The following NCOR1 variants were observed in gnomAD, a reference collection of about 807,000 sequenced individuals.
NCOR1 encodes nuclear receptor corepressor 1.
In NCOR1, 63 loss-of-function variants were observed where a neutral mutation model predicts 288.1. That is an observed-to-expected ratio of 0.22 (90% CI 0.18 to 0.27). The LOEUF (loss-of-function observed/expected upper bound fraction) is 0.27. NCOR1 is among the 10% of genes least tolerant of loss of function. NCOR1 has a pLI of 1.00. For missense variants in NCOR1, 2,397 were observed against 3,019.2 expected, an observed-to-expected ratio of 0.79 and a Z score of 4.83; for synonymous variants, 1,007 against 1,065.9, an observed-to-expected ratio of 0.94 and a Z score of 1.08.
At chr17:16,052,611 T>C (rs567558641) in intron 40 of NCOR1, among the ~76,000 whole-genome samples, 16 of 152,228 alleles carry the variant, frequency 1.1e-4, no homozygotes, top group African/African-American at 3.4e-4. Flanking sequence ...CAGTAATAAA[T>C]AGCCTACCAC....
In NCOR1 at chr17:16,061,956, G is replaced by A. The variant is rs1029529924; in HGVS notation, c.5388-62C>T. ...AGACCATTTGCTGGGAATGTGGTGG[G>A]GAGATGGAAGGACAAACTGCAACAA... On this transcript the variant is annotated intron_variant, in intron 36 of 45. Coordinates refer to ENST00000268712, the MANE Select transcript of NCOR1 (RefSeq NM_006311.4). 6.4e-6 allele frequency: 10 copies of A among 1,564,950 alleles called. No individual in the cohort carries two copies. In the African/African-American group the frequency reaches 1.2e-4, roughly 19 times the overall value.
chr17:16,210,565 T>C (rs774143056), intron 1 of NCOR1, among the ~76,000 whole-genome samples: 5 of 152,144 alleles, frequency 3.3e-5, no homozygotes, highest in Non-Finnish European at 7.4e-5. Flanking sequence ...GATTAAAAAT[T>C]AAGCAAACTA....
chr17:16,077,424 G>C (rs992131933), intron 26 of NCOR1, among the ~76,000 whole-genome samples: 13 of 139,794 alleles, frequency 9.3e-5, no homozygotes, highest in African/African-American at 3.5e-4. Flanking sequence ...AAGCAAAAAG[G>C]AAGGAAAGGA....
intron 32 of NCOR1, 102 bp from the exon 33 acceptor site, chr17:16,065,796 T>C: frequency 2.0e-6 from 2 of 1,017,158 alleles, no homozygotes; most frequent in Non-Finnish European, 3.0e-6. Context: ...CATGCTGAGC[T>C]AGTGCACATG....
Position 16,029,997 on chromosome 17 carries a change from C to T in NCOR1, c.*2299G>A. The T allele has an allele frequency of 6.0e-6, 1 of 167,714 alleles. No homozygotes were observed. Among genetic ancestry groups the T allele is most frequent in the Non-Finnish European group, 1.3e-5 (1 of 76,916 alleles). The allele number at this position is 167,714 out of a possible 1,614,324, so 10.4% of individuals were successfully genotyped here. A position where few individuals can be genotyped will look rare whatever the true frequency, so the allele number is the denominator to read the frequency against. ...TGCAGGAGTTAGGGGCATAGACCCC[C>T]TAAGTAGTCAAAAATCCACATCTAA... On this transcript the variant is annotated 3_prime_UTR_variant, in exon 46 of 46. Coordinates refer to ENST00000268712, the MANE Select transcript of NCOR1 (RefSeq NM_006311.4).
chr17:16,172,037 T>C (rs903795467), intron 3 of NCOR1, 42 bp from the exon 4 acceptor site: 2 of 1,463,062 alleles, frequency 1.4e-6, no homozygotes, highest in Non-Finnish European at 1.8e-6. Context: ...AATTTGTAAG[T>C]GATGTACAAC....
chr17:16,149,607 GC>G, intron 8 of NCOR1, 90 bp from the exon 9 acceptor site: 1 of 511,136 alleles, frequency 2.0e-6, no homozygotes, highest in Middle Eastern at 4.2e-4. Context: ...TGGAAAATAG[GC>G]AAAGATCACT....
Position 16,039,529 on chromosome 17 carries a change from A to C in NCOR1, c.6859T>G (p.Ser2287Ala), listed in dbSNP as rs1597648171. Reference protein sequence around the residue: ...DKVEDHGVVMSQPMGVVPGTA... With the variant: ...DKVEDHGVVMAQPMGVVPGTA... ...CCAGGCACTACTCCCATAGGCTGGG[A>C]CATGACAACTCCATGATCCTCAACT... Residue 2287 changes from serine to alanine, a missense_variant, in exon 44 of 46, where the codon TCC (serine) becomes GCC (alanine). Transcript: ENST00000268712. 2 of 1,614,034 alleles carry C rather than the reference A, an allele frequency of 1.2e-6. No individual in the cohort carries two copies. Among genetic ancestry groups the C allele is most frequent in the Non-Finnish European group, 1.7e-6 (2 of 1,180,034 alleles).
chr17:16,068,087 T>C lies in NCOR1; in HGVS notation c.4548A>G (p.Glu1516=). The stretch of plus-strand genomic sequence containing the variant: ...GGGTAGGGGTCAGTGTCGATTTCCT[T>C]TCATGATTGGTAGACTTGTTAGAAG... ...TISSNKSTNH[E]RKSTLTPTQR... The change falls in exon 32 of 46, where the codon GAA becomes GAG. Residue 1516 remains glutamate, a synonymous_variant. Transcript: ENST00000268712. The C allele has an allele frequency of 6.2e-7, 1 of 1,613,714 alleles. No homozygotes were observed. Among genetic ancestry groups the C allele is most frequent in the Non-Finnish European group, 8.5e-7 (1 of 1,179,780 alleles).
At chr17:16,156,499 G>A (rs934999638) in intron 6 of NCOR1, among the ~76,000 whole-genome samples, 1 of 150,654 alleles carries the variant, frequency 6.6e-6, no homozygotes, top group Non-Finnish European at 1.5e-5. Flanking sequence ...AAGGAAAGGA[G>A]AGGGAGGAGG....
chr17:16,200,834 C>G (rs571465197), intron 1 of NCOR1, among the ~76,000 whole-genome samples: 1 of 152,282 alleles, frequency 6.6e-6, no homozygotes, highest in East Asian at 1.9e-4. Flanking sequence ...CAAGACAAAG[C>G]TAAGAAGGAC....
chr17:16,152,004 A>G lies in NCOR1; in HGVS notation c.790-6T>C. 1.3e-6 allele frequency: 2 copies of G among 1,563,306 alleles called. No individual in the cohort carries two copies. Among genetic ancestry groups the G allele is most frequent in the Non-Finnish European group, 1.7e-6 (2 of 1,149,054 alleles). On this transcript the variant is annotated splice_polypyrimidine_tract_variant and splice_region_variant and intron_variant, in intron 7 of 45. Coordinates refer to ENST00000268712, the MANE Select transcript of NCOR1 (RefSeq NM_006311.4). ...GATGGCTGGTTATACAGTGGCTATA[A>G]AAGAAATCAAATATTTATGTATAAA...
At chr17:16,178,498 CAAAAAAAA>C (rs564320622) in intron 3 of NCOR1, among the ~76,000 whole-genome samples, 1 of 32,788 alleles carries the variant, frequency 3.0e-5, no homozygotes, top group Non-Finnish European at 6.5e-5. Flanking sequence ...GACTCCGTCT[CAAAAAAAA>C]AAAAAAAAAA....
chr17:16,130,472 C>T (rs2075419913), intron 14 of NCOR1, among the ~76,000 whole-genome samples: 2 of 152,112 alleles, frequency 1.3e-5, no homozygotes, highest in African/African-American at 4.8e-5. Flanking sequence ...CGCAATGGCT[C>T]GTTGTCCAGG....
chr17:16,085,851 A>AAAT (rs2064146674), intron 23 of NCOR1, among the ~76,000 whole-genome samples: 1 of 152,220 alleles, frequency 6.6e-6, no homozygotes, highest in Non-Finnish European at 1.5e-5. Context: ...TCAATTTTTT[A>AAAT]AAAAGTAATG....
chr17:16,101,309 ATTG>A lies in NCOR1; in HGVS notation c.2628_2630del (p.Asn877del). 9.3e-6 allele frequency: 15 copies of A among 1,613,742 alleles called. No individual in the cohort carries two copies. The highest frequency in any genetic ancestry group is 1.3e-5 in the Non-Finnish European group (15 of 1,179,816). On this transcript the variant is annotated inframe_deletion, in exon 20 of 46. Coordinates refer to ENST00000268712, the MANE Select transcript of NCOR1 (RefSeq NM_006311.4). ...CAGCGCTGCACGTGGCACTGGAATC[ATTG>A]TCTGACTGGGGCTCGGGCCTTTGGG...
rs575067400 is a variant in NCOR1, at chr17:16,101,470, C to T, written c.2470G>A (p.Val824Ile). Residue 824 changes from valine to isoleucine, a missense_variant, in exon 20 of 46, where the codon GTT (valine) becomes ATT (isoleucine). Val to Ile is a conservative substitution (Grantham distance 29). Transcript: ENST00000268712. ...TGGTTTTCTGGCACCCTCACTTCAA[C>T]GTCCACAGAGTCAGCTTTGGTAGCG... is the stretch of plus-strand genomic sequence containing the variant. ...PPATKADSVD[V>I]EVRVPENHAS... is the part of the protein sequence containing the mutation. The T allele has an allele frequency of 5.6e-6, 9 of 1,614,148 alleles. No individual in the cohort carries two copies. Among genetic ancestry groups the T allele is most frequent in the South Asian group, 3.3e-5 (3 of 91,068 alleles).
chr17:16,071,431 A>T lies in NCOR1; in HGVS notation c.4130T>A (p.Ile1377Lys). 6.2e-7 allele frequency: 1 copy of T among 1,613,124 alleles called. No individual in the cohort carries two copies. Among genetic ancestry groups the T allele is most frequent in the Non-Finnish European group, 8.5e-7 (1 of 1,179,492 alleles). ...TACCTGGGAAATGGAACCCTCAATT[A>T]TCGGCCGTGTGCTCTGGACCACTTC... is the stretch of plus-strand genomic sequence containing the variant. ...TPEVVQSTRP[I>K]IEGSISQGTP... The change falls in exon 30 of 46, where the codon ATA becomes AAA. Residue 1377 changes from isoleucine (I) to lysine (K), a missense_variant. Ile to Lys is a moderately radical substitution (Grantham distance 102). Around this residue, in one of 11 missense-constraint regions of NCOR1, gnomAD observed 1,872 missense variants for 2,187.8 expected, o/e 0.86. Transcript: ENST00000268712.
intron 15 of NCOR1, among the ~76,000 whole-genome samples, chr17:16,124,604 A>G (rs1269125933): frequency 1.3e-5 from 2 of 152,184 alleles, no homozygotes; most frequent in African/African-American, 4.8e-5. Context: ...TCATGCCCCC[A>G]CTCCTACCAC....
Sources: allele counts gnomAD v4.1 joint callset (sites outside exome capture counted in the v4.1 genomes callset), GRCh38; gene constraint gnomAD v4.1.1; regional missense constraint gnomAD v4.1.1; transcripts MANE v1.5; gene names NCBI Gene and HGNC (gene_info 2026-07-23, HGNC 2026-07-21).